ATP23: variants seen among roughly 807,000 people sequenced by gnomAD.
ATP23 encodes the protein ATP23 metallopeptidase and ATP synthase assembly factor homolog.
In ATP23, 24 loss-of-function variants were observed where a neutral mutation model predicts 28.5. The ratio of observed to expected loss-of-function variants is 0.84; its 90% CI spans 0.61 to 1.18. The LOEUF (loss-of-function observed/expected upper bound fraction) is 1.18. ATP23 is among the 50% of genes most tolerant of loss of function. ATP23 has a pLI of 0.00. For missense variants in ATP23, 274 were observed against 306.4 expected (o/e 0.89, Z 0.79); for synonymous variants, 99 against 108.6 (o/e 0.91, Z 0.55).
intron 5 of ATP23, among the ~76,000 whole-genome samples, chr12:57,955,003 C>T (rs1407188401): frequency 6.6e-6 from 1 of 151,944 alleles, no homozygotes; most frequent in African/African-American, 2.4e-5. Flanking sequence ...TTTTCTGTGC[C>T]CTTGAGTCCC....
chr12:57,950,702 AT>A (rs1468040190), intron 3 of ATP23, among the ~76,000 whole-genome samples: 3 of 150,840 alleles, frequency 2.0e-5, no homozygotes, highest in African/African-American at 7.3e-5. Flanking sequence ...TTTTTATTTT[AT>A]TTTTTTATAG....
Position 57,958,040 on chromosome 12 carries a change from G to T in ATP23, c.*1150G>T, listed in dbSNP as rs1054449801. 3.9e-5 allele frequency among the ~76,000 whole-genome samples: 6 copies of T among 152,146 alleles called. No homozygotes were observed. Among genetic ancestry groups the T allele is most frequent in the Non-Finnish European group, 7.3e-5 (5 of 68,032 alleles). On this transcript the variant is annotated 3_prime_UTR_variant, in exon 6 of 6. Coordinates refer to ENST00000300145, the MANE Select transcript of ATP23 (RefSeq NM_033276.4). ...CTGGAAGCAGACTTGGGGCTGTGGT[G>T]GGGGGCATGGTGGGAGTGAGACTGG...
chr12:57,945,634 A>G lies in ATP23; in HGVS notation c.194A>G (p.Tyr65Cys). ...RLLKTLETNP[Y>C]VKLLLDAMKH... ...AAATCAATATCTTTTTTAGATCCAT[A>G]TGTCAAACTTCTGCTTGATGCTATG... The change falls in exon 2 of 6, where the codon TAT becomes TGT. Residue 65 changes from tyrosine (Y) to cysteine (C), a missense_variant. Physicochemically the swap from Tyr to Cys is radical, Grantham distance 194. Transcript: ENST00000300145. 1 of 1,612,928 alleles carries G rather than the reference A, an allele frequency of 6.2e-7. No individual in the cohort carries two copies. Among genetic ancestry groups the G allele is most frequent in the African/African-American group, 1.3e-5 (1 of 74,954 alleles).
At chr12:57,955,154 TAG>T (rs1237773531) in intron 5 of ATP23, among the ~76,000 whole-genome samples, 1 of 151,780 alleles carries the variant, frequency 6.6e-6, no homozygotes, top group East Asian at 1.9e-4. Flanking sequence ...CTCTTGTCAA[TAG>T]AGTTTGAAAA....
At chr12:57,953,523 C>T in intron 4 of ATP23, 83 bp from the exon 5 acceptor site, 1 of 1,149,734 alleles carries the variant, frequency 8.7e-7, no homozygotes, top group Non-Finnish European at 1.2e-6. Flanking sequence ...ATATTCTTTT[C>T]TAATTTTTAA....
At chr12:57,943,849 C>T (rs961733241) in intron 1 of ATP23, among the ~76,000 whole-genome samples, 9 of 152,108 alleles carry the variant, frequency 5.9e-5, no homozygotes, top group African/African-American at 2.2e-4. Context: ...CAGTAGGAAT[C>T]AATGGACCTT....
intron 4 of ATP23, among the ~76,000 whole-genome samples, chr12:57,952,493 GA>G (rs1956825162): frequency 6.6e-6 from 1 of 152,150 alleles, no homozygotes; most frequent in Admixed American, 6.5e-5. Context: ...AACATAAAAA[GA>G]TATTTATTAC....
chr12:57,949,947 A>G (rs1255356820), intron 3 of ATP23: 7 of 152,188 alleles, frequency 4.6e-5, no homozygotes, highest in African/African-American at 1.4e-4. Context: ...CAAGCCAGAA[A>G]TTTATGGATC....
chr12:57,946,598 T>C (rs1228784700), intron 2 of ATP23, among the ~76,000 whole-genome samples: 1 of 151,402 alleles, frequency 6.6e-6, no homozygotes, highest in Non-Finnish European at 1.5e-5. Flanking sequence ...GCTGGGATTA[T>C]AGGCGCCCAC....
At chr12:57,955,194 A>G (rs1022759004) in intron 5 of ATP23, among the ~76,000 whole-genome samples, 1 of 151,874 alleles carries the variant, frequency 6.6e-6, no homozygotes, top group African/African-American at 2.4e-5. Context: ...ACTATTACAT[A>G]TACTCTGTTT....
rs759635805 is a variant in ATP23, at chr12:57,951,900, G to A, written c.453+5G>A. On this transcript the variant is annotated splice_donor_5th_base_variant and intron_variant, in intron 4 of 5. Transcript: ENST00000300145. ...AGACATTTGGCGTGCTCAGAGGTGA[G>A]TTTTATTGTATTTTTCTCCAGAATA... 4 of 1,613,852 alleles carry A rather than the reference G, an allele frequency of 2.5e-6. No homozygotes were observed. Among genetic ancestry groups the A allele is most frequent in the Admixed American group, 3.3e-5 (2 of 59,996 alleles).
In ATP23 at chr12:57,953,825, T is replaced by G. The variant is rs191501146; in HGVS notation, c.537+136T>G. 86 of 762,592 alleles carry G rather than the reference T, an allele frequency of 1.1e-4. No homozygotes were observed. In the East Asian group the frequency reaches 2.3e-3, roughly 20 times the overall value. The allele number at this position is 762,592 out of a possible 1,614,324, so 47.2% of individuals were successfully genotyped here. On this transcript the variant is annotated intron_variant, in intron 5 of 5. Transcript: ENST00000300145. The stretch of plus-strand genomic sequence containing the variant: ...GAAAAGAATACAAAGTATGTACCAT[T>G]TAAACAAAGTAGATGGAATTTAGTT...
intron 1 of ATP23, 95 bp from the exon 2 acceptor site, chr12:57,945,531 CTG>C (rs1956752128): frequency 1.9e-6 from 2 of 1,050,616 alleles, no homozygotes; most frequent in African/African-American, 1.6e-5. Flanking sequence ...TGCATCTGGC[CTG>C]TGAGTTACTT....
At chr12:57,951,974 C>T in intron 4 of ATP23, 79 bp downstream of exon 4, 1 of 1,546,168 alleles carries the variant, frequency 6.5e-7, no homozygotes. Context: ...AAATGTATTC[C>T]TTTTCTTACT....
Position 57,959,121 on chromosome 12 carries a change from A to G in ATP23, c.*2231A>G, listed in dbSNP as rs1007737503. On this transcript the variant is annotated 3_prime_UTR_variant, in exon 6 of 6. Coordinates refer to ENST00000300145, the MANE Select transcript of ATP23 (RefSeq NM_033276.4). The stretch of plus-strand genomic sequence containing the variant: ...TGGAAAATCTCAGCAATAGAATTGA[A>G]CAAGTAGAAGAAAGAAATTCAGAGC... 6.6e-6 allele frequency among the ~76,000 whole-genome samples: 1 copy of G among 152,216 alleles called. No individual in the cohort carries two copies. The highest frequency in any genetic ancestry group is 2.4e-5 in the African/African-American group (1 of 41,462).
Position 57,956,947 on chromosome 12 carries a change from G to T in ATP23, c.*57G>T. 6.9e-7 allele frequency: 1 copy of T among 1,457,452 alleles called. No individual in the cohort carries two copies. 90.3% of individuals were successfully genotyped at this position (1,457,452 alleles called of 1,614,324 possible). A position where few individuals can be genotyped will look rare whatever the true frequency, so the allele number is the denominator to read the frequency against. On this transcript the variant is annotated 3_prime_UTR_variant, in exon 6 of 6. Coordinates refer to ENST00000300145, the MANE Select transcript of ATP23 (RefSeq NM_033276.4). ...CATCATCATGAAGAAAAAAAAATTTGGTTCTCAAGTGAACAAACATATAAA... is the reference window on the plus strand; with the variant it reads ...CATCATCATGAAGAAAAAAAAATTTTGTTCTCAAGTGAACAAACATATAAA...
Position 57,957,088 on chromosome 12 carries a change from G to A in ATP23, c.*198G>A, listed in dbSNP as rs1449698157. ...TGCTTTAAACTCCAAGGCAGAAATT[G>A]TATCTTTATAGCTAACCATTTAGTA... On this transcript the variant is annotated 3_prime_UTR_variant, in exon 6 of 6. Transcript: ENST00000300145. 58 of 442,456 alleles carry A rather than the reference G, an allele frequency of 1.3e-4. No homozygotes were observed. In the East Asian group the frequency reaches 2.0e-3, roughly 15 times the overall value. 27.4% of individuals were successfully genotyped at this position (442,456 alleles called of 1,614,324 possible). A position where few individuals can be genotyped will look rare whatever the true frequency, so the allele number is the denominator to read the frequency against.
At chr12:57,945,880 T>C (rs1453832168) in intron 2 of ATP23, among the ~76,000 whole-genome samples, 2 of 151,688 alleles carry the variant, frequency 1.3e-5, no homozygotes, top group East Asian at 1.9e-4. Flanking sequence ...TTTTTTTTTT[T>C]TGGGGATAGA....
rs1054096254 is a variant in ATP23, at chr12:57,958,556, C to T, written c.*1666C>T. On this transcript the variant is annotated 3_prime_UTR_variant, in exon 6 of 6. Coordinates refer to ENST00000300145, the MANE Select transcript of ATP23 (RefSeq NM_033276.4). The stretch of plus-strand genomic sequence containing the variant: ...AGAGACCCATAGACGGTTCACATCA[C>T]AGGATTCTGTGCAGGCAACCCCCAG... Among the ~76,000 whole-genome samples the T allele has an allele frequency of 2.0e-5, 3 of 152,188 alleles. No individual in the cohort carries two copies. Among genetic ancestry groups the T allele is most frequent in the Non-Finnish European group, 2.9e-5 (2 of 68,040 alleles).
Sources: gnomAD v4.1 joint callset for allele counts (sites outside exome capture counted in the v4.1 genomes callset) on GRCh38, gnomAD v4.1.1 for gene constraint, MANE v1.5 for transcripts, NCBI Gene and HGNC (gene_info 2026-07-23, HGNC 2026-07-21) for gene names.